The following CACNA2D4 variants were observed in gnomAD, a reference collection of about 807,000 sequenced individuals.
The protein encoded by CACNA2D4 is calcium voltage-gated channel auxiliary subunit alpha2delta 4.
In CACNA2D4, 157 loss-of-function variants were observed where a neutral mutation model predicts 163.8. That is an observed-to-expected ratio of 0.96 (90% confidence interval 0.84 to 1.09). The LOEUF (loss-of-function observed/expected upper bound fraction) is 1.09, where lower values mean the gene tolerates loss of function less well. Ranked by LOEUF, CACNA2D4 falls within the 50% of genes least tolerant of loss-of-function variation. The pLI is 0.00. For missense variants in CACNA2D4, 1,410 were observed against 1,479.9 expected, an observed-to-expected ratio of 0.95 and a Z score of 0.78; for synonymous variants, 598 against 586.9, an observed-to-expected ratio of 1.02 and a Z score of -0.27.
intron 26 of CACNA2D4, among the ~76,000 whole-genome samples, chr12:1,825,351 C>T (rs908348910): frequency 4.6e-5 from 7 of 152,194 alleles, no homozygotes; most frequent in African/African-American, 1.7e-4. Flanking sequence ...TATCTGCCTG[C>T]GGCAAGCCAG....
chr12:1,895,480 G>A (rs897687190), intron 6 of CACNA2D4, among the ~76,000 whole-genome samples: 4 of 152,034 alleles, frequency 2.6e-5, no homozygotes, highest in Admixed American at 6.6e-5. Flanking sequence ...GCATCACACT[G>A]CCTGACTTCA....
At chr12:1,797,604 T>C in intron 34 of CACNA2D4, 69 bp from the exon 35 acceptor site, 1 of 1,163,294 alleles carries the variant, frequency 8.6e-7, no homozygotes. Context: ...GCCTCGGCAC[T>C]CCCAGGGCCA....
Position 1,869,134 on chromosome 12 carries a change from G to A in CACNA2D4, c.1878+5470C>T, listed in dbSNP as rs1326737687. 6.6e-6 allele frequency among the ~76,000 whole-genome samples: 1 copy of A among 152,154 alleles called. No homozygotes were observed. Among genetic ancestry groups the A allele is most frequent in the Non-Finnish European group, 1.5e-5 (1 of 68,016 alleles). ...GGTCTAAAGCAAGAAAAAAATTCCT[G>A]TTTGGTTCTTATAATGATTTTGTAC... is the stretch of plus-strand genomic sequence containing the variant. On this transcript the variant is annotated intron_variant, in intron 18 of 37. Transcript: ENST00000382722. This position sits in a 1 kb window ranked among gnomAD's most constrained non-coding sequence, Gnocchi z 4.7.
chr12:1,860,370 T>C (rs1173235405), intron 18 of CACNA2D4, among the ~76,000 whole-genome samples, 164 bp from the exon 19 acceptor site: 5 of 152,198 alleles, frequency 3.3e-5, no homozygotes, highest in South Asian at 2.1e-4. Flanking sequence ...GTGACACCCA[T>C]AGGCAGATCC....
intron 26 of CACNA2D4, among the ~76,000 whole-genome samples, chr12:1,815,427 C>T (rs1863843318): frequency 1.3e-5 from 2 of 151,100 alleles, no homozygotes; most frequent in East Asian, 1.9e-4. Context: ...GTGGCTGTCC[C>T]TGGCCTCCCG....
rs1331264735 is a variant in CACNA2D4, at chr12:1,829,853, T to G, written c.2551+10886A>C. 6.6e-6 allele frequency among the ~76,000 whole-genome samples: 1 copy of G among 152,086 alleles called. No homozygotes were observed. Among genetic ancestry groups the G allele is most frequent in the East Asian group, 1.9e-4 (1 of 5,160 alleles). On this transcript the variant is annotated intron_variant, in intron 26 of 37. Coordinates refer to ENST00000382722, the MANE Select transcript of CACNA2D4 (RefSeq NM_172364.5). This position sits in a 1 kb window ranked among gnomAD's most constrained non-coding sequence, Gnocchi z 4.2. ...CTGGGCTGACCTGGTGGGGCTGAAC[T>G]ATTTTGAATTCTTCCCAGTTCTCTT...
intron 16 of CACNA2D4, among the ~76,000 whole-genome samples, chr12:1,877,773 G>T (rs1416664463): frequency 6.6e-6 from 1 of 152,178 alleles, no homozygotes; most frequent in Non-Finnish European, 1.5e-5. Flanking sequence ...GTGCTCAAGT[G>T]CATGACTAGC....
rs1178515178 is a variant in CACNA2D4, at chr12:1,833,611, T to C, written c.2551+7128A>G. Among the ~76,000 whole-genome samples, 1 of 152,166 alleles carries C rather than the reference T, an allele frequency of 6.6e-6. No individual in the cohort carries two copies. The highest frequency in any genetic ancestry group is 2.4e-5 in the African/African-American group (1 of 41,424). ...TACAGGGCTGTGGTTGGGGCACCGA[T>C]GGGGCCATTGGATTGCTCCTAAGGA... is the stretch of plus-strand genomic sequence containing the variant. On this transcript the variant is annotated intron_variant, in intron 26 of 37. Coordinates refer to ENST00000382722, the MANE Select transcript of CACNA2D4 (RefSeq NM_172364.5). This position sits in a 1 kb window ranked among gnomAD's most constrained non-coding sequence, Gnocchi z 4.2.
In CACNA2D4 at chr12:1,887,006, T is replaced by C; in HGVS notation, c.842+3A>G. 1 of 1,582,472 alleles carries C rather than the reference T, an allele frequency of 6.3e-7. No individual in the cohort carries two copies. Among genetic ancestry groups the C allele is most frequent in the Non-Finnish European group, 8.6e-7 (1 of 1,158,088 alleles). On this transcript the variant is annotated splice_donor_region_variant and intron_variant, in intron 7 of 37. Transcript: ENST00000382722. ...CGCAAACCTTTCCCCTGTGAGCTCT[T>C]ACCAGCCGCGGTTTCGGCAGTCAAA...
chr12:1,890,208 C>A (rs1866245820), intron 6 of CACNA2D4, among the ~76,000 whole-genome samples: 1 of 152,164 alleles, frequency 6.6e-6, no homozygotes, highest in Admixed American at 6.5e-5. Flanking sequence ...GAGGGCATTG[C>A]TCCAGAGAGG....
chr12:1,827,645 C>T (rs1459943260), intron 26 of CACNA2D4: 1 of 153,314 alleles, frequency 6.5e-6, no homozygotes, highest in Non-Finnish European at 1.5e-5. Context: ...GGGGAGCCTC[C>T]AGGGACAGGT....
intron 18 of CACNA2D4, among the ~76,000 whole-genome samples, chr12:1,861,793 A>G (rs1865530656): frequency 6.6e-6 from 1 of 151,908 alleles, no homozygotes; most frequent in Admixed American, 6.6e-5. Flanking sequence ...TCTTCCATGT[A>G]TTACCTAATT....
intron 18 of CACNA2D4, among the ~76,000 whole-genome samples, chr12:1,873,907 G>A (rs533865892): frequency 1.1e-4 from 17 of 152,212 alleles, no homozygotes; most frequent in Admixed American, 6.5e-4. Context: ...ATGGAGGTCT[G>A]TGTTGTGGAA....
chr12:1,793,585 G>A lies in CACNA2D4; in HGVS notation c.*70C>T. The A allele has an allele frequency of 2.2e-6, 3 of 1,365,912 alleles. No individual in the cohort carries two copies. Among genetic ancestry groups the A allele is most frequent in the South Asian group, 2.3e-5 (2 of 85,378 alleles). The allele number at this position is 1,365,912 out of a possible 1,614,324, so 84.6% of individuals were successfully genotyped here. A position where few individuals can be genotyped will look rare whatever the true frequency, so the allele number is the denominator to read the frequency against. On this transcript the variant is annotated 3_prime_UTR_variant, in exon 38 of 38. Coordinates refer to ENST00000382722, the MANE Select transcript of CACNA2D4 (RefSeq NM_172364.5). ...CCAACTGCAGTTAGCTGCATCCCAT[G>A]TCAGTGCTGACTTTTTGGGATGGCT...
At chr12:1,864,218 C>T (rs2108639) in intron 18 of CACNA2D4, among the ~76,000 whole-genome samples, 135,019 of 152,284 alleles carry the variant, frequency 0.89, 59,952 homozygotes, top group Admixed American at 0.91. Context: ...GCCGGAGACT[C>T]TCCCTTTGTA....
chr12:1,885,309 T>A (rs1168056956), intron 9 of CACNA2D4, among the ~76,000 whole-genome samples: 1 of 152,114 alleles, frequency 6.6e-6, no homozygotes, highest in African/African-American at 2.4e-5. Flanking sequence ...TGGCCACTAT[T>A]GATGGGAAAC....
At position 1,843,002 on chromosome 12, in the gene CACNA2D4, AC is replaced by A. The variant is rs936741950; in HGVS notation, c.2470+1399del. 1.9e-4 allele frequency among the ~76,000 whole-genome samples: 29 copies of A among 151,960 alleles called. No individual in the cohort carries two copies. The highest frequency in any genetic ancestry group is 6.8e-4 in the African/African-American group (28 of 41,360). ...GGCTCTGTGGCTCCCTTGCTGTGTG[AC>A]CCCGGGCAAGTTACAGAACCTCTCT... On this transcript the variant is annotated intron_variant, in intron 25 of 37. Coordinates refer to ENST00000382722, the MANE Select transcript of CACNA2D4 (RefSeq NM_172364.5). The surrounding 1 kb of genome is among the most constrained non-coding windows in gnomAD (Gnocchi z 4.6).
intron 29 of CACNA2D4, among the ~76,000 whole-genome samples, chr12:1,804,359 G>C (rs537893928): frequency 6.6e-6 from 1 of 152,256 alleles, no homozygotes; most frequent in South Asian, 2.1e-4. Context: ...GGCTTCTGAC[G>C]AGGCTGGTCT....
Position 1,806,195 on chromosome 12 carries a change from T to C in CACNA2D4, c.2721+4083A>G, listed in dbSNP as rs1310433499. ...CAGAAGCAAATGACAGGAATCGGAGTCCCCAGATTCAGGGTGACAGATCCA... is the reference window on the plus strand; with the variant it reads ...CAGAAGCAAATGACAGGAATCGGAGCCCCCAGATTCAGGGTGACAGATCCA... On this transcript the variant is annotated intron_variant, in intron 29 of 37. Transcript: ENST00000382722. The surrounding 1 kb of genome is among the most constrained non-coding windows in gnomAD (Gnocchi z 4.1). 1.3e-5 allele frequency among the ~76,000 whole-genome samples: 2 copies of C among 151,892 alleles called. No individual in the cohort carries two copies. Among genetic ancestry groups the C allele is most frequent in the Admixed American group, 6.6e-5 (1 of 15,244 alleles).
Sources: gnomAD v4.1 joint callset for allele counts (sites outside exome capture counted in the v4.1 genomes callset) on GRCh38, gnomAD v4.1.1 for gene constraint, Gnocchi (gnomAD v3.1) non-coding constraint, MANE v1.5 for transcripts, NCBI Gene and HGNC (gene_info 2026-07-23, HGNC 2026-07-21) for gene names.